Variants in HSPA14 observed in about 807,000 individuals in gnomAD.
HSPA14 encodes heat shock protein family A (Hsp70) member 14, also known as heat shock 70 kDa protein 14.
A neutral mutation model predicts 65.5 loss-of-function variants in HSPA14; 37 were observed. The ratio of observed to expected loss-of-function variants is 0.56; its 90% CI spans 0.43 to 0.74. The LOEUF (loss-of-function observed/expected upper bound fraction) is 0.74, where lower values mean the gene tolerates loss of function less well. Ranked by LOEUF, HSPA14 falls within the 30% of genes least tolerant of loss-of-function variation. The pLI is 0.00. For synonymous variants in HSPA14, 203 were observed against 214.2 expected (o/e 0.95, Z 0.46); for missense variants, 564 against 607.6 (o/e 0.93, Z 0.75).
At chr10:14,867,326 T>G in intron 11 of HSPA14, 31 bp downstream of exon 11, 1 of 1,440,338 alleles carries the variant, frequency 6.9e-7, no homozygotes, top group South Asian at 1.2e-5. Flanking sequence ...CTAGTTAAGG[T>G]ATGTTTAGCT....
At chr10:14,858,162 A>G (rs1211807445) in intron 10 of HSPA14, among the ~76,000 whole-genome samples, 3 of 152,328 alleles carry the variant, frequency 2.0e-5, no homozygotes, top group Middle Eastern at 3.4e-3. Flanking sequence ...TATTGTAAGT[A>G]TAAGTTACTC....
rs1452998255 is a variant in HSPA14 at position 14,867,311 on chromosome 10, G to C, written c.1206+16G>C. 1.3e-6 allele frequency: 2 copies of C among 1,536,086 alleles called. No homozygotes were observed. Among genetic ancestry groups the C allele is most frequent in the Middle Eastern group, 1.7e-4 (1 of 5,876 alleles). ...TTTAGTTAAGGTATGTTTAGCTTTT[G>C]TATACTAGTTAAGGTATGTTTAGCT... On this transcript the variant is annotated intron_variant, in intron 11 of 13. Coordinates refer to ENST00000378372, the MANE Select transcript of HSPA14 (RefSeq NM_016299.4).
At position 14,848,639 on chromosome 10, in the gene HSPA14, C is replaced by T. The variant is rs375004850; in HGVS notation, c.252C>T (p.Ile84=). ...SSSDPQAQKY[I]AESKCLVIEK... ...GTGATCCACAAGCTCAGAAATACAT[C>T]GCGGAAAGTAAATGTTTAGTGAGTA... The change falls in exon 4 of 14, where the codon ATC becomes ATT. Residue 84 remains isoleucine (I), a synonymous_variant. Coordinates refer to ENST00000378372, the MANE Select transcript of HSPA14 (RefSeq NM_016299.4). 6.2e-6 allele frequency: 10 copies of T among 1,610,872 alleles called. No individual in the cohort carries two copies. The highest frequency in any genetic ancestry group is 1.7e-5 in the Admixed American group (1 of 59,914).
chr10:14,838,348 A>G lies in HSPA14; in HGVS notation c.-55A>G, dbSNP rs1833917334. The G allele has an allele frequency of 1.3e-6, 2 of 1,532,054 alleles. No homozygotes were observed. The highest frequency in any genetic ancestry group is 2.4e-5 in the East Asian group (1 of 42,256). 94.9% of individuals were successfully genotyped at this position (1,532,054 alleles called of 1,614,324 possible). ...CTGATGGGGCCGTTGGGCGGCCGGT[A>G]GCTGTTGCTGTTGGGGGACCCCCTC... On this transcript the variant is annotated 5_prime_UTR_variant, in exon 1 of 14. An upstream open reading frame in the 5' UTR loses its in-frame stop. Transcript: ENST00000378372.
At chr10:14,862,844 TG>T (rs1832767563) in intron 10 of HSPA14, among the ~76,000 whole-genome samples, 1 of 151,934 alleles carries the variant, frequency 6.6e-6, no homozygotes, top group Admixed American at 6.6e-5. Context: ...CACACCCACC[TG>T]GATAATTTTT....
intron 13 of HSPA14, among the ~76,000 whole-genome samples, chr10:14,871,043 A>G (rs1462224189): frequency 6.6e-6 from 1 of 152,182 alleles, no homozygotes; most frequent in Non-Finnish European, 1.5e-5. Flanking sequence ...TAAGAAAAAA[A>G]TGTACTAATT....
chr10:14,843,599 C>T (rs41284449), intron 3 of HSPA14: 40,100 of 1,550,568 alleles, frequency 0.026, 635 homozygotes, highest in Admixed American at 0.06. Context: ...ACCAGTGAGC[C>T]CCCTCCAAGG....
chr10:14,866,396 A>G (rs1832807295), intron 10 of HSPA14, among the ~76,000 whole-genome samples: 1 of 152,218 alleles, frequency 6.6e-6, no homozygotes, highest in South Asian at 2.1e-4. Flanking sequence ...AAGACTGTGA[A>G]ATAGGAAGTG....
chr10:14,839,838 C>A, intron 1 of HSPA14, 67 bp from the exon 2 acceptor site: 4 of 1,148,216 alleles, frequency 3.5e-6, no homozygotes, highest in East Asian at 2.5e-5. Flanking sequence ...CAAAGTAACA[C>A]TGGTGCACAA....
At chr10:14,843,580 A>G in intron 3 of HSPA14, 1 of 1,550,666 alleles carries the variant, frequency 6.4e-7, no homozygotes, top group Non-Finnish European at 8.7e-7. Flanking sequence ...TGGTGGGGAT[A>G]GGCCCTTGAC....
intron 3 of HSPA14, chr10:14,846,055 C>T (rs1834047308): frequency 1.0e-6 from 1 of 973,078 alleles, no homozygotes; most frequent in African/African-American, 1.8e-5. Context: ...TTTAAGGTAG[C>T]ATTCTGTGGT....
intron 3 of HSPA14, among the ~76,000 whole-genome samples, chr10:14,847,582 G>C (rs545733118): frequency 2.6e-5 from 4 of 152,250 alleles, no homozygotes; most frequent in African/African-American, 9.6e-5. Flanking sequence ...GGAAGTATGA[G>C]GAACCTGCAA....
chr10:14,846,823 TAGG>T lies in HSPA14; in HGVS notation c.222-1778_222-1776del, dbSNP rs1328953899. 8 of 985,120 alleles carry T rather than the reference TAGG, an allele frequency of 8.1e-6. No individual in the cohort carries two copies. In the East Asian group the frequency reaches 6.8e-4, roughly 84 times the overall value. The allele number at this position is 985,120 out of a possible 1,614,324, so 61.0% of individuals were successfully genotyped here. On this transcript the variant is annotated intron_variant, in intron 3 of 13. Transcript: ENST00000378372. ...CTGTTGACCGTAAGGGATATTCAAG[TAGG>T]AGGAGGAAGAGAAGATGGCATTGCT... is the stretch of plus-strand genomic sequence containing the variant.
At chr10:14,869,348 G>C (rs952721008) in intron 12 of HSPA14, among the ~76,000 whole-genome samples, 2 of 151,326 alleles carry the variant, frequency 1.3e-5, no homozygotes, top group Non-Finnish European at 2.9e-5. Context: ...CTAGGCCAGA[G>C]TGCAGTGGCA....
intron 10 of HSPA14, among the ~76,000 whole-genome samples, chr10:14,856,854 A>G (rs927306998): frequency 3.3e-5 from 5 of 152,172 alleles, no homozygotes; most frequent in African/African-American, 9.7e-5. Context: ...GCAAGACCCC[A>G]TCTCACAAAT....
In HSPA14 at chr10:14,839,937, C is replaced by T. The variant is rs61736311; in HGVS notation, c.90C>T (p.Ala30=). 358 of 1,612,450 alleles carry T rather than the reference C, an allele frequency of 2.2e-4. 1 individual carries two copies. In the African/African-American group the frequency reaches 4.2e-3, roughly 19 times the overall value. ...DGRAGVVAND[A]GDRVTPAVVA... is the part of the protein sequence containing the mutation. ...GGGCTGGTGTGGTTGCAAATGATGCCGGTGACCGAGTTACTCCAGCTGTTG... is the reference window on the plus strand; with the variant it reads ...GGGCTGGTGTGGTTGCAAATGATGCTGGTGACCGAGTTACTCCAGCTGTTG... Residue 30 remains alanine, a synonymous_variant, in exon 2 of 14, where the codon GCC becomes GCT. Coordinates refer to ENST00000378372, the MANE Select transcript of HSPA14 (RefSeq NM_016299.4).
At chr10:14,846,256 A>G (rs1834051531) in intron 3 of HSPA14, 8 of 985,382 alleles carry the variant, frequency 8.1e-6, no homozygotes, top group Non-Finnish European at 9.6e-6. Context: ...GATTTTCTGG[A>G]AACACAGAAG....
chr10:14,852,338 T>G (rs748234226), intron 7 of HSPA14, 32 bp from the exon 8 acceptor site: 2 of 1,577,140 alleles, frequency 1.3e-6, no homozygotes, highest in Non-Finnish European at 1.7e-6. Context: ...AAAATGTTAT[T>G]CCCTGATAAC....
rs955872138 is a variant in HSPA14, at chr10:14,844,334, C to T, written c.221+4177C>T. On this transcript the variant is annotated intron_variant, in intron 3 of 13. Coordinates refer to ENST00000378372, the MANE Select transcript of HSPA14 (RefSeq NM_016299.4). ...CATTTAAGTTATTAATTCATATGGC[C>T]TTGGCTGAGGTAAGGCAGATTGGTT... 5.8e-6 allele frequency: 6 copies of T among 1,041,604 alleles called. No homozygotes were observed. In the African/African-American group the frequency reaches 8.7e-5, roughly 15 times the overall value. 64.5% of individuals were successfully genotyped at this position (1,041,604 alleles called of 1,614,324 possible).
Sources: gnomAD v4.1 joint callset for allele counts (sites outside exome capture counted in the v4.1 genomes callset) on GRCh38, gnomAD v4.1.1 for gene constraint, MANE v1.5 for transcripts, NCBI Gene and HGNC (gene_info 2026-07-23, HGNC 2026-07-21) for gene names.